Variants in DYNLT2 observed in about 807,000 individuals in gnomAD.
The protein encoded by DYNLT2 is dynein light chain Tctex-type 2, also known as dynein light chain Tctex-type protein 2.
In DYNLT2, 24 loss-of-function variants were observed where a neutral mutation model predicts 24.3. The observed-to-expected ratio is 0.99, with a 90% CI of 0.71 to 1.39. The LOEUF is 1.39. DYNLT2 is among the 40% of genes most tolerant of loss of function. The pLI is 0.00. For missense variants in DYNLT2, 246 were observed against 234.5 expected (o/e 1.05, Z -0.32); for synonymous variants, 85 against 85.4 (o/e 1.00, Z 0.03).
intron 1 of DYNLT2, among the ~76,000 whole-genome samples, chr6:169,747,427 C>G (rs900814675): frequency 1.3e-5 from 2 of 151,924 alleles, no homozygotes; most frequent in Non-Finnish European, 2.9e-5. Flanking sequence ...TTTGGGGACT[C>G]AAATTATAAG....
intron 1 of DYNLT2, among the ~76,000 whole-genome samples, chr6:169,748,420 C>CTT (rs10648332): frequency 0.56 from 84,407 of 151,920 alleles, 27,464 homozygotes; most frequent in East Asian, 0.98. Flanking sequence ...AAATCACTCT[C>CTT]GTCCTGCCTG....
the DYNLT2 span, among the ~76,000 whole-genome samples, chr6:169,734,953 C>G: frequency 6.6e-6 from 1 of 152,094 alleles, no homozygotes; most frequent in Non-Finnish European, 1.5e-5. Flanking sequence ...TTAATTACTG[C>G]CTCAGTTTCA....
At chr6:169,731,080 G>A in the DYNLT2 span, among the ~76,000 whole-genome samples, 7 of 152,152 alleles carry the variant, frequency 4.6e-5, no homozygotes, top group South Asian at 1.5e-3. Context: ...ATAGCTTATT[G>A]GGGAAGAAAA....
chr6:169,731,965 G>A, the DYNLT2 span, among the ~76,000 whole-genome samples: 2 of 152,138 alleles, frequency 1.3e-5, no homozygotes, highest in African/African-American at 4.8e-5. Context: ...TTACAAACAA[G>A]TCTATCTATG....
intron 1 of DYNLT2, among the ~76,000 whole-genome samples, chr6:169,749,052 C>A (rs1789879453): frequency 6.6e-6 from 1 of 152,088 alleles, no homozygotes; most frequent in African/African-American, 2.4e-5. Flanking sequence ...TGAGCTTGGG[C>A]AGGAGATATT....
At chr6:169,740,519 G>A (rs1789655044) in intron 3 of DYNLT2, among the ~76,000 whole-genome samples, 1 of 152,244 alleles carries the variant, frequency 6.6e-6, no homozygotes, top group South Asian at 2.1e-4. Context: ...ACAGAGAGAG[G>A]CTCCCTTAGC....
intron 3 of DYNLT2, among the ~76,000 whole-genome samples, 165 bp from the exon 4 acceptor site, chr6:169,740,460 G>A (rs1789653662): frequency 6.6e-6 from 1 of 152,122 alleles, no homozygotes; most frequent in Admixed American, 6.5e-5. Context: ...GGAGAATGAC[G>A]CTGCCCCAGC....
intron 1 of DYNLT2, among the ~76,000 whole-genome samples, chr6:169,745,992 T>A (rs958255320): frequency 1.3e-5 from 2 of 152,212 alleles, no homozygotes; most frequent in African/African-American, 4.8e-5. Flanking sequence ...TTTGTATGAC[T>A]TTTGGGAAAT....
chr6:169,731,643 G>A, the DYNLT2 span, among the ~76,000 whole-genome samples: 6 of 151,934 alleles, frequency 3.9e-5, no homozygotes, highest in African/African-American at 1.4e-4. Flanking sequence ...TGATTCTGTT[G>A]AACAAAAAAA....
At position 169,751,438 on chromosome 6, in the gene DYNLT2, G is replaced by C; in HGVS notation, c.21C>G (p.Gly7=). 1 of 1,614,048 alleles carries C rather than the reference G, an allele frequency of 6.2e-7. No homozygotes were observed. Among genetic ancestry groups the C allele is most frequent in the Non-Finnish European group, 8.5e-7 (1 of 1,180,028 alleles). Residue 7 remains glycine, a synonymous_variant, in exon 1 of 4, where the codon GGC becomes GGG. Transcript: ENST00000366774. ...GGGTCTGGATGGGGCTCGACTTCAC[G>C]CCTCGGCCTCGCTTCTCCATCTCGC... MEKRGR[G]VKSSPIQTPN...
the DYNLT2 span, among the ~76,000 whole-genome samples, chr6:169,732,548 T>G: frequency 2.6e-5 from 4 of 152,172 alleles, no homozygotes; most frequent in South Asian, 8.3e-4. Context: ...TGTTTTTTTC[T>G]CCTGTGTTAG....
rs370541126 is a variant in DYNLT2, at chr6:169,744,054, A to G, written c.327+14T>C. 3 of 1,607,280 alleles carry G rather than the reference A, an allele frequency of 1.9e-6. No homozygotes were observed. The highest frequency in any genetic ancestry group is 2.5e-6 in the Non-Finnish European group (3 of 1,177,654). On this transcript the variant is annotated intron_variant, in intron 2 of 3. Transcript: ENST00000366774. ...CTCATACAATACTGCTATCATATAT[A>G]TTTATCAACCTACTGTTAGTATCTG...
At chr6:169,731,440 A>G in the DYNLT2 span, among the ~76,000 whole-genome samples, 1 of 152,186 alleles carries the variant, frequency 6.6e-6, no homozygotes, top group Non-Finnish European at 1.5e-5. Context: ...TATGGAGATG[A>G]GACGTAAGGC....
At chr6:169,730,702 T>C in the DYNLT2 span, among the ~76,000 whole-genome samples, 3 of 152,134 alleles carry the variant, frequency 2.0e-5, no homozygotes, top group South Asian at 6.2e-4. Flanking sequence ...ATCGAGACCA[T>C]CCTGGCTAAC....
the DYNLT2 span, chr6:169,725,296 C>T: frequency 2.5e-6 from 1 of 398,658 alleles, no homozygotes; most frequent in East Asian, 3.6e-5. Context: ...ATCCGGTTTC[C>T]TTTCCATTCA....
intron 1 of DYNLT2, chr6:169,750,836 GT>G (rs1789996444): frequency 6.6e-6 from 1 of 152,242 alleles, no homozygotes; most frequent in Non-Finnish European, 1.5e-5. Context: ...TTCAACTTAA[GT>G]TTTTTTCTCC....
At chr6:169,725,633 G>GTTTT in the DYNLT2 span, 11 of 224,974 alleles carry the variant, frequency 4.9e-5, no homozygotes, top group African/African-American at 1.2e-4. Flanking sequence ...GAGTTTAGCG[G>GTTTT]TTTTTTTTTT....
chr6:169,744,270 G>T lies in DYNLT2; in HGVS notation c.125C>A (p.Thr42Lys), dbSNP rs142606452. ...RPSMFEKEAY[T>K]QILRERLRES... ...TCTCAGTCTTTCTCTTAAAATCTGTGTATACTGGAGGAGAAAGAGAGAGGG... is the reference window on the plus strand; with the variant it reads ...TCTCAGTCTTTCTCTTAAAATCTGTTTATACTGGAGGAGAAAGAGAGAGGG... Residue 42 changes from threonine (T) to lysine (K), a missense_variant, in exon 2 of 4, where the codon ACA becomes AAA. By Grantham distance (78) the Thr-to-Lys change is moderately conservative (BLOSUM62 -1). Coordinates refer to ENST00000366774, the MANE Select transcript of DYNLT2 (RefSeq NM_174910.3). 1.2e-5 allele frequency: 20 copies of T among 1,612,470 alleles called. No individual in the cohort carries two copies. The highest frequency in any genetic ancestry group is 1.5e-5 in the Non-Finnish European group (18 of 1,179,228).
chr6:169,742,586 C>T (rs943257400), intron 3 of DYNLT2, among the ~76,000 whole-genome samples: 1 of 152,036 alleles, frequency 6.6e-6, no homozygotes, highest in Non-Finnish European at 1.5e-5. Flanking sequence ...TTAGTAGTAC[C>T]AAATTGCTAC....
Sources: gnomAD v4.1 joint callset for allele counts (sites outside exome capture counted in the v4.1 genomes callset) on GRCh38, gnomAD v4.1.1 for gene constraint, MANE v1.5 for transcripts, NCBI Gene and HGNC (gene_info 2026-07-23, HGNC 2026-07-21) for gene names.